Variants in LARGE1 observed in about 807,000 individuals in gnomAD.
LARGE1 encodes the protein LARGE xylosyl- and glucuronyltransferase 1.
LARGE1 carries 43 observed loss-of-function variants against 87.6 expected under a neutral mutation model. The ratio of observed to expected loss-of-function variants is 0.49; its 90% CI spans 0.38 to 0.63. The LOEUF (loss-of-function observed/expected upper bound fraction) is 0.63. Ranked by LOEUF, LARGE1 falls within the 30% of genes least tolerant of loss-of-function variation. The probability of loss-of-function intolerance (pLI) is 0.00; values close to 1 mark genes in which losing one functional copy is unlikely to be tolerated. For synonymous variants in LARGE1, 434 were observed against 394.6 expected, an observed-to-expected ratio of 1.10 and a Z score of -1.18; for missense variants, 802 against 1,000.2, an observed-to-expected ratio of 0.80 and a Z score of 2.67.
intron 11 of LARGE1, among the ~76,000 whole-genome samples, chr22:33,208,014 C>A (rs1391786406): frequency 6.6e-6 from 1 of 152,058 alleles, no homozygotes; most frequent in East Asian, 1.9e-4. Flanking sequence ...TGAGTGTTGG[C>A]CATAGGACTA....
intron 11 of LARGE1, among the ~76,000 whole-genome samples, chr22:33,212,991 C>A (rs1416115351): frequency 2.0e-5 from 3 of 150,234 alleles, no homozygotes; most frequent in Non-Finnish European, 4.4e-5. Flanking sequence ...GCACTCCAGC[C>A]TGGGTGACAG....
At chr22:33,916,455 T>G (rs2065789740) in intron 1 of LARGE1, among the ~76,000 whole-genome samples, 1 of 152,170 alleles carries the variant, frequency 6.6e-6, no homozygotes, top group Non-Finnish European at 1.5e-5. Context: ...TCTTATAAAA[T>G]ACATTTAACG....
intron 2 of LARGE1, among the ~76,000 whole-genome samples, chr22:33,722,768 G>T (rs2083147080): frequency 6.6e-6 from 1 of 152,160 alleles, no homozygotes; most frequent in African/African-American, 2.4e-5. Flanking sequence ...GGTGAGGTAG[G>T]TCTAGGAAGA....
intron 6 of LARGE1, among the ~76,000 whole-genome samples, chr22:33,487,607 C>T (rs1267054309): frequency 6.6e-6 from 1 of 152,144 alleles, no homozygotes; most frequent in Admixed American, 6.5e-5. Context: ...ACTTACTGAT[C>T]AAGAAAGACG....
intron 2 of LARGE1, among the ~76,000 whole-genome samples, chr22:33,683,650 C>T (rs1354176329): frequency 6.6e-6 from 1 of 152,004 alleles, no homozygotes; most frequent in Non-Finnish European, 1.5e-5. Context: ...GACAGACAGA[C>T]AGACAGACGA....
At chr22:33,574,878 C>T (rs896632326) in intron 5 of LARGE1, among the ~76,000 whole-genome samples, 1 of 151,966 alleles carries the variant, frequency 6.6e-6, no homozygotes, top group African/African-American at 2.4e-5. Flanking sequence ...GATAATATCC[C>T]AGAGACAGTG....
the LARGE1 span, among the ~76,000 whole-genome samples, chr22:33,095,708 C>T: frequency 3.9e-5 from 6 of 152,236 alleles, no homozygotes; most frequent in East Asian, 3.9e-4. Flanking sequence ...TACAGGTATT[C>T]GCTATGTGCC....
chr22:33,701,431 C>G (rs2082401081), intron 2 of LARGE1, among the ~76,000 whole-genome samples: 1 of 152,126 alleles, frequency 6.6e-6, no homozygotes, highest in African/African-American at 2.4e-5. Context: ...TGGCTTAAAC[C>G]AAAGGGACTT....
chr22:33,279,581 A>G lies in LARGE1; in HGVS notation c.1878-2326T>C, dbSNP rs140104996. Among the ~76,000 whole-genome samples, 905 of 152,338 alleles carry G rather than the reference A, an allele frequency of 5.9e-3. 9 individuals carry two copies. Among genetic ancestry groups the G allele is most frequent in the African/African-American group, 0.019 (791 of 41,580 alleles). ...TGATCAAGTTGTGCTGTTGGGTGAG[A>G]CAGCCAGGCTAGGGGAGGGCAGGAA... On this transcript the variant is annotated intron_variant, in intron 13 of 14. Transcript: ENST00000397394.
intron 1 of LARGE1, among the ~76,000 whole-genome samples, chr22:33,792,120 A>G (rs1303900444): frequency 1.3e-5 from 2 of 152,154 alleles, no homozygotes; most frequent in African/African-American, 4.8e-5. Context: ...AGAACGCACT[A>G]TGGCCACAGA....
intron 6 of LARGE1, among the ~76,000 whole-genome samples, chr22:33,473,670 C>T (rs542859028): frequency 2.8e-4 from 42 of 152,294 alleles, no homozygotes; most frequent in African/African-American, 1.0e-3. Context: ...GTCTCGAACT[C>T]CTGACCTCAG....
intron 1 of LARGE1, among the ~76,000 whole-genome samples, chr22:33,816,923 C>A (rs1393133909): frequency 6.6e-6 from 1 of 152,178 alleles, no homozygotes; most frequent in Admixed American, 6.5e-5. Flanking sequence ...GCCTCTCTCA[C>A]TCAAGTCATT....
chr22:33,622,700 C>A (rs1019326941), intron 4 of LARGE1, among the ~76,000 whole-genome samples: 7 of 152,162 alleles, frequency 4.6e-5, no homozygotes, highest in Non-Finnish European at 1.0e-4. Context: ...CAGTTAAACC[C>A]AACGTCTCAT....
chr22:33,610,845 C>A (rs1168041242), intron 4 of LARGE1, among the ~76,000 whole-genome samples: 1 of 152,168 alleles, frequency 6.6e-6, no homozygotes, highest in Non-Finnish European at 1.5e-5. Context: ...TTGCCCTGCA[C>A]CACCCCAAAA....
intron 2 of LARGE1, among the ~76,000 whole-genome samples, chr22:33,702,248 C>T (rs1010085910): frequency 6.6e-6 from 1 of 152,168 alleles, no homozygotes; most frequent in Non-Finnish European, 1.5e-5. Context: ...TATGCATTTG[C>T]TGAATGTAAT....
At chr22:33,261,513 T>C (rs1046560879) in intron 11 of LARGE1, among the ~76,000 whole-genome samples, 3 of 151,516 alleles carry the variant, frequency 2.0e-5, no homozygotes, top group Non-Finnish European at 2.9e-5. Flanking sequence ...CTCAGAAGAA[T>C]AGCATGTGTG....
At chr22:33,852,854 T>A (rs1228257048) in intron 1 of LARGE1, among the ~76,000 whole-genome samples, 2 of 29,968 alleles carry the variant, frequency 6.7e-5, no homozygotes, top group Admixed American at 9.8e-4. Context: ...AGACTCCGTC[T>A]CCAAAAAAAA....
intron 9 of LARGE1, among the ~76,000 whole-genome samples, chr22:33,352,745 G>A (rs1940508970): frequency 6.6e-6 from 1 of 152,138 alleles, no homozygotes; most frequent in South Asian, 2.1e-4. Flanking sequence ...CTGGGCGACA[G>A]AGCAAGACTC....
At chr22:33,423,531 T>G (rs1265855318) in intron 7 of LARGE1, among the ~76,000 whole-genome samples, 1 of 151,094 alleles carries the variant, frequency 6.6e-6, no homozygotes, top group Non-Finnish European at 1.5e-5. Flanking sequence ...AATACATAAA[T>G]TAGCTGGGCA....
Sources: allele counts gnomAD v4.1 joint callset (sites outside exome capture counted in the v4.1 genomes callset), GRCh38; gene constraint gnomAD v4.1.1; transcripts MANE v1.5; gene names NCBI Gene and HGNC (gene_info 2026-07-23, HGNC 2026-07-21).